POLN: variants seen among roughly 807,000 people sequenced by gnomAD.
POLN encodes the protein DNA polymerase N.
POLN carries 108 observed loss-of-function variants against 113.5 expected under a neutral mutation model. The ratio of observed to expected loss-of-function variants is 0.95; its 90% CI spans 0.81 to 1.12. POLN has a LOEUF of 1.12. POLN is among the 50% of genes most tolerant of loss of function. The pLI, the probability that POLN is intolerant of heterozygous loss-of-function variation, is 0.00. For missense variants in POLN, 1,097 were observed against 1,077.1 expected (o/e 1.02, Z -0.26); for synonymous variants, 386 against 391.5 (o/e 0.99, Z 0.17).
intron 19 of POLN, among the ~76,000 whole-genome samples, chr4:2,097,850 C>A (rs750820580): frequency 6.6e-6 from 1 of 152,144 alleles, no homozygotes; most frequent in Non-Finnish European, 1.5e-5. Context: ...TTGCTGTAAA[C>A]CTTTGCCTAT....
chr4:2,188,021 C>T (rs1266746709), intron 7 of POLN, among the ~76,000 whole-genome samples: 1 of 152,142 alleles, frequency 6.6e-6, no homozygotes, highest in Non-Finnish European at 1.5e-5. Flanking sequence ...AAGGCTGATG[C>T]AGGAGGATCA....
At chr4:2,168,581 C>T (rs1195301731) in intron 13 of POLN, among the ~76,000 whole-genome samples, 1 of 152,218 alleles carries the variant, frequency 6.6e-6, no homozygotes, top group South Asian at 2.1e-4. Flanking sequence ...AGTGATGCGT[C>T]CTTTCTTGCA....
At chr4:2,212,156 C>CGT (rs907680951) in intron 4 of POLN, among the ~76,000 whole-genome samples, 10 of 152,204 alleles carry the variant, frequency 6.6e-5, no homozygotes, top group African/African-American at 2.4e-4. Flanking sequence ...AGTCCATTCT[C>CGT]TTAACCACTA....
chr4:2,241,029 G>C, intron 2 of POLN: 2 of 1,045,022 alleles, frequency 1.9e-6, no homozygotes, highest in Non-Finnish European at 2.8e-6. Context: ...CAGAAAAAAA[G>C]CTACGTTTTA....
chr4:2,235,164 G>A (rs527236562), intron 2 of POLN, among the ~76,000 whole-genome samples: 4 of 152,226 alleles, frequency 2.6e-5, no homozygotes, highest in Admixed American at 2.6e-4. Flanking sequence ...GATTATAGGC[G>A]TGAGCCACCG....
chr4:2,074,404 A>G (rs1348864537), intron 24 of POLN, among the ~76,000 whole-genome samples: 2 of 152,154 alleles, frequency 1.3e-5, no homozygotes, highest in African/African-American at 2.4e-5. Flanking sequence ...CTGCCTCAGG[A>G]GCTGCCAGGC....
chr4:2,096,679 CGAGAGAAAGAGA>C (rs1408888868), intron 19 of POLN, among the ~76,000 whole-genome samples: 12 of 84,382 alleles, frequency 1.4e-4, no homozygotes, highest in African/African-American at 4.9e-4. Flanking sequence ...ATTCAGAAGC[CGAGAGAAAGAGA>C]GAGAGAGAGA....
chr4:2,149,812 G>A (rs1308724624), intron 16 of POLN, among the ~76,000 whole-genome samples: 2 of 151,486 alleles, frequency 1.3e-5, no homozygotes, highest in Non-Finnish European at 2.9e-5. Flanking sequence ...GGCCGGGCGC[G>A]TTGACTCACA....
intron 16 of POLN, 134 bp from the exon 17 acceptor site, chr4:2,131,424 T>C (rs1383774623): frequency 3.6e-6 from 2 of 563,160 alleles, no homozygotes; most frequent in Non-Finnish European, 6.1e-6. Flanking sequence ...AGCACATTAA[T>C]ACTTAATACA....
At chr4:2,112,428 C>G (rs1424356858) in intron 19 of POLN, among the ~76,000 whole-genome samples, 1 of 151,802 alleles carries the variant, frequency 6.6e-6, no homozygotes, top group Non-Finnish European at 1.5e-5. Flanking sequence ...CAAAAGAAAC[C>G]ACCATCAGAG....
Position 2,179,424 on chromosome 4 carries a change from G to A in POLN, c.1063C>T (p.Leu355Phe). The A allele has an allele frequency of 6.2e-7, 1 of 1,613,842 alleles. No individual in the cohort carries two copies. The highest frequency in any genetic ancestry group is 1.1e-5 in the South Asian group (1 of 91,052). The stretch of plus-strand genomic sequence containing the variant: ...GGTGTGGCATCACTAGGATCTATAA[G>A]CCATGCAGCAATTCTGGGATCTAGC... The part of the protein sequence containing the change: ...IGLDPRIAAW[L>F]IDPSDATPSF... The change falls in exon 8 of 26, where the codon CTT (leucine) becomes TTT (phenylalanine). Residue 355 changes from leucine (L) to phenylalanine (F), a missense_variant. Coordinates refer to ENST00000511885, the MANE Select transcript of POLN (RefSeq NM_181808.4).
chr4:2,132,294 T>A lies in POLN; in HGVS notation c.1732-1004A>T, dbSNP rs574905238. 5.1e-4 allele frequency among the ~76,000 whole-genome samples: 78 copies of A among 152,154 alleles called. 1 individual carries two copies. The South Asian group carries it at 0.016, about 32-fold the overall frequency. ...TTTGAAGAGAGATCAATAGAAATGA[T>A]CCAATCTAAAGAAGGGAAGAACAAT... On this transcript the variant is annotated intron_variant, in intron 16 of 25. Transcript: ENST00000511885.
At chr4:2,108,521 T>C (rs1212153400) in intron 19 of POLN, among the ~76,000 whole-genome samples, 3 of 152,188 alleles carry the variant, frequency 2.0e-5, no homozygotes, top group Non-Finnish European at 2.9e-5. Context: ...AAGGAGGATA[T>C]CCACAAGGTG....
chr4:2,200,598 G>A (rs925504561), intron 5 of POLN, among the ~76,000 whole-genome samples: 13 of 152,198 alleles, frequency 8.5e-5, no homozygotes, highest in Admixed American at 2.0e-4. Flanking sequence ...TGGGTGGCTA[G>A]ATCCAGAAGA....
rs891236083 is a variant in POLN at position 2,207,996 on chromosome 4, T to C, written c.705A>G (p.Gly235=). 2.3e-5 allele frequency: 37 copies of C among 1,603,806 alleles called. No homozygotes were observed. The Admixed American group carries it at 6.3e-4, about 27-fold the overall frequency. The change falls in exon 5 of 26, where the codon GGA becomes GGG. Residue 235 remains glycine, a synonymous_variant. Coordinates refer to ENST00000511885, the MANE Select transcript of POLN (RefSeq NM_181808.4). The part of the protein sequence containing the change: ...VMYTDGSTQL[G]ADQTPVSSVR... ...ATCACTGTTTACTAACCTGGTCAGCTCCTAGCTGGGTGGAACCATCAGTAT... is the reference window on the plus strand; with the variant it reads ...ATCACTGTTTACTAACCTGGTCAGCCCCTAGCTGGGTGGAACCATCAGTAT...
At chr4:2,108,554 G>A (rs1441618880) in intron 19 of POLN, among the ~76,000 whole-genome samples, 1 of 152,108 alleles carries the variant, frequency 6.6e-6, no homozygotes, top group Non-Finnish European at 1.5e-5. Flanking sequence ...GTGTAAATTC[G>A]GTGAATTTTT....
At chr4:2,146,115 A>G (rs897296640) in intron 16 of POLN, among the ~76,000 whole-genome samples, 16 of 152,134 alleles carry the variant, frequency 1.1e-4, no homozygotes, top group Admixed American at 8.5e-4. Flanking sequence ...AAATAAATGC[A>G]CGCATTAAAA....
In POLN at chr4:2,239,361, G is replaced by A. The variant is rs567884567; in HGVS notation, c.-13+2159C>T. 2.6e-5 allele frequency among the ~76,000 whole-genome samples: 4 copies of A among 152,134 alleles called. 1 individual carries two copies. In the South Asian group the frequency reaches 8.3e-4, roughly 32 times the overall value. On this transcript the variant is annotated intron_variant, in intron 2 of 25. Coordinates refer to ENST00000511885, the MANE Select transcript of POLN (RefSeq NM_181808.4). ...CACTGAATCCAAGTATATGTTACTAGTTTTTCTTAAGTTAAAATTACTTCA... is the reference window on the plus strand; with the variant it reads ...CACTGAATCCAAGTATATGTTACTAATTTTTCTTAAGTTAAAATTACTTCA...
intron 21 of POLN, 148 bp from the exon 22 acceptor site, chr4:2,081,891 T>G: frequency 1.7e-6 from 1 of 572,654 alleles, no homozygotes; most frequent in Non-Finnish European, 3.1e-6. Context: ...GGGTCTATCA[T>G]GGGGGCAAGT....
Sources: allele counts gnomAD v4.1 joint callset (sites outside exome capture counted in the v4.1 genomes callset), GRCh38; gene constraint gnomAD v4.1.1; transcripts MANE v1.5; gene names NCBI Gene and HGNC (gene_info 2026-07-23, HGNC 2026-07-21).